PTK2B: variants seen among roughly 807,000 people sequenced by gnomAD.
PTK2B encodes the protein protein tyrosine kinase 2 beta.
Under a neutral mutation model 142.9 loss-of-function variants are expected in PTK2B, and 71 were observed. The ratio of observed to expected loss-of-function variants is 0.50; its 90% confidence interval spans 0.41 to 0.61. The LOEUF (loss-of-function observed/expected upper bound fraction) is 0.61, where lower values mean the gene tolerates loss of function less well. PTK2B is among the 20% of genes least tolerant of loss of function. The pLI is 0.00. For synonymous variants in PTK2B, 519 were observed against 503.4 expected (o/e 1.03, Z -0.42); for missense variants, 1,105 against 1,320.4 (o/e 0.84, Z 2.53).
intron 24 of PTK2B, 137 bp downstream of exon 24, chr8:27,446,056 G>A: frequency 2.3e-6 from 3 of 1,309,640 alleles, no homozygotes; most frequent in Non-Finnish European, 3.1e-6. Context: ...GGCCACTGAG[G>A]TGGCACTCTG....
At chr8:27,442,820 A>C (rs753250073) in intron 21 of PTK2B, 55 bp from the exon 22 acceptor site, 475 of 1,479,704 alleles carry the variant, frequency 3.2e-4, no homozygotes, top group Non-Finnish European at 4.2e-4. Flanking sequence ...AGGAGCCCCA[A>C]GGAGCGTCTC....
Position 27,454,515 on chromosome 8 carries a change from C to T in PTK2B, c.2734-16C>T, listed in dbSNP as rs1229277102. The T allele has an allele frequency of 2.5e-5, 41 of 1,612,964 alleles. No homozygotes were observed. The highest frequency in any genetic ancestry group is 3.4e-5 in the Non-Finnish European group (40 of 1,179,032). On this transcript the variant is annotated splice_polypyrimidine_tract_variant and intron_variant, in intron 29 of 30. Coordinates refer to ENST00000346049, the MANE Select transcript of PTK2B (RefSeq NM_173176.3). ...TAGCTAGGAGTGGCGGCCATCCTGC[C>T]CCTTTCTCCCCCCAGAATGTGGGGC...
At chr8:27,421,441 TG>T in intron 4 of PTK2B, among the ~76,000 whole-genome samples, 1 of 152,242 alleles carries the variant, frequency 6.6e-6, no homozygotes. Context: ...GTACCCAATG[TG>T]TAGTCTTTTA....
At chr8:27,426,282 T>C (rs1810078202) in intron 5 of PTK2B, among the ~76,000 whole-genome samples, 2 of 152,248 alleles carry the variant, frequency 1.3e-5, no homozygotes, top group Admixed American at 1.3e-4. Context: ...TGTCCTTACC[T>C]GGGTATCAGT....
intron 1 of PTK2B, among the ~76,000 whole-genome samples, chr8:27,355,054 A>T (rs1372354224): frequency 6.6e-6 from 1 of 152,220 alleles, no homozygotes; most frequent in African/African-American, 2.4e-5. Context: ...ATTCAAAAGG[A>T]GCATTAGCTC....
chr8:27,357,293 C>T (rs1490568916), intron 1 of PTK2B, among the ~76,000 whole-genome samples: 1 of 152,248 alleles, frequency 6.6e-6, no homozygotes, highest in African/African-American at 2.4e-5. Context: ...TAAAATTCCT[C>T]TGACACTTCT....
At chr8:27,445,669 T>A (rs900884370) in intron 23 of PTK2B, 125 bp from the exon 24 acceptor site, 14 of 1,403,474 alleles carry the variant, frequency 1.0e-5, no homozygotes, top group Non-Finnish European at 1.4e-5. Context: ...TATTAACTCC[T>A]GGAGAGCAAG....
intron 1 of PTK2B, among the ~76,000 whole-genome samples, chr8:27,358,590 G>T (rs1489347566): frequency 6.6e-6 from 1 of 151,962 alleles, no homozygotes; most frequent in Non-Finnish European, 1.5e-5. Context: ...CAGATAGCTG[G>T]ATTTTTAAAA....
chr8:27,394,005 G>C (rs982422573), intron 1 of PTK2B, among the ~76,000 whole-genome samples: 1 of 152,180 alleles, frequency 6.6e-6, no homozygotes, highest in Non-Finnish European at 1.5e-5. Context: ...TCATTAGGCA[G>C]TTGTGTGAAC....
intron 1 of PTK2B, among the ~76,000 whole-genome samples, chr8:27,353,244 A>C (rs888142537): frequency 6.6e-6 from 1 of 152,192 alleles, no homozygotes; most frequent in African/African-American, 2.4e-5. Flanking sequence ...TGGGCTGTTA[A>C]TGTTGGGGGC....
chr8:27,363,977 G>A lies in PTK2B; in HGVS notation c.-37-33571G>A, dbSNP rs1412863810. ...ACATGCGCACAAGCAGCTCCCCCAA[G>A]TTAAGAGCCTGTGTATCAGCTGAGT... On this transcript the variant is annotated intron_variant, in intron 1 of 30. Transcript: ENST00000346049. This position sits in a 1 kb window ranked among gnomAD's most constrained non-coding sequence, Gnocchi z 4.3. 6.6e-6 allele frequency among the ~76,000 whole-genome samples: 1 copy of A among 152,136 alleles called. No individual in the cohort carries two copies. Among genetic ancestry groups the A allele is most frequent in the Non-Finnish European group, 1.5e-5 (1 of 68,024 alleles).
rs541256092 is a variant in PTK2B, at chr8:27,340,946, G to A, written c.-38+15265G>A. ...CAGAACAGACAGGGCTTGGCCAGGC[G>A]GGTAAGAACCAGCCAGCTGTCAGCA... On this transcript the variant is annotated intron_variant, in intron 1 of 30. Coordinates refer to ENST00000346049, the MANE Select transcript of PTK2B (RefSeq NM_173176.3). Among the ~76,000 whole-genome samples, 180 of 152,356 alleles carry A rather than the reference G, an allele frequency of 1.2e-3. 1 individual carries two copies. Among genetic ancestry groups the A allele is most frequent in the Middle Eastern group, 0.01 (3 of 294 alleles).
intron 14 of PTK2B, 146 bp downstream of exon 14, chr8:27,435,939 C>A: frequency 9.2e-7 from 1 of 1,088,012 alleles, no homozygotes; most frequent in Non-Finnish European, 1.4e-6. Context: ...CCTGAGATGC[C>A]TTGGATTTGA....
intron 1 of PTK2B, among the ~76,000 whole-genome samples, chr8:27,337,826 A>G (rs1051442899): frequency 6.6e-6 from 1 of 152,164 alleles, no homozygotes; most frequent in Non-Finnish European, 1.5e-5. Flanking sequence ...TGCTATAAAC[A>G]TTCACATACA....
rs750513650 is a variant in PTK2B, at chr8:27,439,116, G to A, written c.1729G>A (p.Glu577Lys). ...DFGLSRYIED[E>K]DYYKASVTRL... Reference sequence around the variant, plus strand: ...TGGTCTTTCCCGGTACATTGAGGACGAGGACTATTACAAAGGTGAGGGGGC... The same window carrying A: ...TGGTCTTTCCCGGTACATTGAGGACAAGGACTATTACAAAGGTGAGGGGGC... Residue 577 changes from glutamate (E) to lysine (K), a missense_variant, in exon 19 of 31, where the codon GAG becomes AAG. Transcript: ENST00000346049. The A allele has an allele frequency of 2.5e-6, 4 of 1,613,566 alleles. No individual in the cohort carries two copies. Among genetic ancestry groups the A allele is most frequent in the Middle Eastern group, 1.6e-4 (1 of 6,082 alleles).
chr8:27,344,883 G>A (rs1210795212), intron 1 of PTK2B, among the ~76,000 whole-genome samples: 2 of 151,668 alleles, frequency 1.3e-5, no homozygotes, highest in Non-Finnish European at 2.9e-5. Flanking sequence ...AAGAGTATTA[G>A]GGAGAGAGGC....
intron 18 of PTK2B, 29 bp downstream of exon 18, chr8:27,437,909 T>G: frequency 6.4e-7 from 1 of 1,566,164 alleles, no homozygotes; most frequent in African/African-American, 1.3e-5. Flanking sequence ...GCCAGCGGTA[T>G]GGAAGCCAGG....
At position 27,378,480 on chromosome 8, in the gene PTK2B, C is replaced by T. The variant is rs144984219; in HGVS notation, c.-37-19068C>T. Among the ~76,000 whole-genome samples, 330 of 152,330 alleles carry T rather than the reference C, an allele frequency of 2.2e-3. 1 individual carries two copies. Among genetic ancestry groups the T allele is most frequent in the African/African-American group, 7.6e-3 (315 of 41,566 alleles). On this transcript the variant is annotated intron_variant, in intron 1 of 30. Transcript: ENST00000346049. Reference sequence around the variant, plus strand: ...TCACCTAATCCCCTCACCTAATCCCCTCACTTTTTAGATGAGAAAAGCTGA... The same window carrying T: ...TCACCTAATCCCCTCACCTAATCCCTTCACTTTTTAGATGAGAAAAGCTGA...
chr8:27,330,967 C>T (rs774111422), intron 1 of PTK2B, among the ~76,000 whole-genome samples: 3 of 152,096 alleles, frequency 2.0e-5, no homozygotes, highest in Non-Finnish European at 4.4e-5. Context: ...CCAATACCTG[C>T]GGGAGGCAAG....
Sources: gnomAD v4.1 joint callset for allele counts (sites outside exome capture counted in the v4.1 genomes callset) on GRCh38, gnomAD v4.1.1 for gene constraint, Gnocchi (gnomAD v3.1) non-coding constraint, MANE v1.5 for transcripts, NCBI Gene and HGNC (gene_info 2026-07-23, HGNC 2026-07-21) for gene names.